DCDC1: variants seen among roughly 807,000 people sequenced by gnomAD.
DCDC1 encodes the protein doublecortin domain-containing protein 1.
DCDC1 carries 200 observed loss-of-function variants against 178.3 expected under a neutral mutation model. The observed-to-expected ratio is 1.12, with a 90% CI of 1.00 to 1.26. The LOEUF (loss-of-function observed/expected upper bound fraction) is 1.26. Among genes scored for constraint, DCDC1 ranks in the 50% most tolerant of loss-of-function variants. DCDC1 has a pLI of 0.00. For missense variants in DCDC1, 1,983 were observed against 1,749.2 expected, an observed-to-expected ratio of 1.13 and a Z score of -2.38; for synonymous variants, 690 against 604.8, an observed-to-expected ratio of 1.14 and a Z score of -2.07.
At chr11:31,283,463 G>A (rs1946595479) in intron 7 of DCDC1, among the ~76,000 whole-genome samples, 1 of 150,474 alleles carries the variant, frequency 6.6e-6, no homozygotes, top group Admixed American at 6.6e-5. Context: ...AGTTCTCTTC[G>A]CATTATATTC....
chr11:30,917,265 C>A, intron 25 of DCDC1, among the ~76,000 whole-genome samples: 1 of 152,088 alleles, frequency 6.6e-6, no homozygotes, highest in East Asian at 1.9e-4. Flanking sequence ...TCATCTTTGT[C>A]ATGTTTACTC....
At chr11:31,253,425 C>T (rs1278494605) in intron 8 of DCDC1, among the ~76,000 whole-genome samples, 8 of 147,464 alleles carry the variant, frequency 5.4e-5, no homozygotes, top group African/African-American at 1.0e-4. Flanking sequence ...GGCACGATCT[C>T]GGCTCACTGC....
At position 31,096,539 on chromosome 11, in the gene DCDC1, T is replaced by C. The variant is rs1487430386; in HGVS notation, c.1984-2355A>G. Among the ~76,000 whole-genome samples, 60 of 152,306 alleles carry C rather than the reference T, an allele frequency of 3.9e-4. 1 individual carries two copies. Among genetic ancestry groups the C allele is most frequent in the Non-Finnish European group, 5.9e-5 (4 of 68,032 alleles). ...GTTTAATCTTTTAACAGTTGGCTTA[T>C]TGGTGAAGAGTGAAGGGGTCCTTTG... is the stretch of plus-strand genomic sequence containing the variant. On this transcript the variant is annotated intron_variant, in intron 15 of 38. Transcript: ENST00000684477.
In DCDC1 at chr11:30,903,632, C is replaced by A; in HGVS notation, c.4360G>T (p.Val1454Leu). 1.2e-6 allele frequency: 2 copies of A among 1,611,120 alleles called. No homozygotes were observed. Among genetic ancestry groups the A allele is most frequent in the Non-Finnish European group, 1.7e-6 (2 of 1,178,630 alleles). ...ATTGGGGTTCCATCTTTGGTATATA[C>A]TTTGGAGGCTGCTCTGGCAAGCCCA... ...QLGLARAASK[V>L]YTKDGTPIFT... Residue 1454 changes from valine to leucine, a missense_variant, in exon 32 of 39, where the codon GTA (valine) becomes TTA (leucine). Transcript: ENST00000684477.
At chr11:31,113,709 G>A (rs1008050176) in intron 11 of DCDC1, among the ~76,000 whole-genome samples, 1 of 151,914 alleles carries the variant, frequency 6.6e-6, no homozygotes, top group Non-Finnish European at 1.5e-5. Context: ...TTTGGGCAGG[G>A]CATAACCCCA....
At chr11:31,002,221 T>G (rs1951616875) in intron 20 of DCDC1, among the ~76,000 whole-genome samples, 2 of 152,188 alleles carry the variant, frequency 1.3e-5, no homozygotes, top group Admixed American at 1.3e-4. Context: ...GGAAATAATG[T>G]TTTTATCCAA....
At chr11:31,215,216 G>C (rs1181771419) in intron 9 of DCDC1, 4 of 240,920 alleles carry the variant, frequency 1.7e-5, no homozygotes, top group African/African-American at 4.6e-5. Flanking sequence ...GATCCCTTGA[G>C]CACAGGAGAT....
Position 31,149,161 on chromosome 11 carries a change from T to C in DCDC1, c.1222-11377A>G, listed in dbSNP as rs74371102. On this transcript the variant is annotated intron_variant, in intron 9 of 38. Coordinates refer to ENST00000684477, the MANE Select transcript of DCDC1 (RefSeq NM_001387274.1). The stretch of plus-strand genomic sequence containing the variant: ...TCATTGGTTGATGGGCACCTGCAAA[T>C]TGTGCTGCTATAAACATGCATATGT... Among the ~76,000 whole-genome samples, 1,521 of 152,352 alleles carry C rather than the reference T, an allele frequency of 1.0e-2. 28 individuals carry two copies. The highest frequency in any genetic ancestry group is 0.034 in the African/African-American group (1,424 of 41,578).
At chr11:31,077,408 T>C (rs597070) in intron 18 of DCDC1, among the ~76,000 whole-genome samples, 74,555 of 151,940 alleles carry the variant, frequency 0.49, 18,575 homozygotes, top group African/African-American at 0.57. Flanking sequence ...TGAGTAATCA[T>C]AACTCTGAAG....
chr11:31,098,662 T>C (rs568645436), intron 15 of DCDC1, among the ~76,000 whole-genome samples: 1 of 152,328 alleles, frequency 6.6e-6, no homozygotes, highest in East Asian at 1.9e-4. Context: ...GCAGCAAGAT[T>C]CTACAATAAA....
chr11:31,208,127 C>T (rs1342202613), intron 9 of DCDC1, among the ~76,000 whole-genome samples: 1 of 152,240 alleles, frequency 6.6e-6, no homozygotes, highest in South Asian at 2.1e-4. Context: ...GTTTTACTTA[C>T]TATCTATATA....
chr11:31,159,444 A>G (rs1966085991), intron 9 of DCDC1, among the ~76,000 whole-genome samples: 1 of 152,182 alleles, frequency 6.6e-6, no homozygotes, highest in Non-Finnish European at 1.5e-5. Context: ...TTATAGAGAA[A>G]TCAGAGCAGG....
intron 20 of DCDC1, among the ~76,000 whole-genome samples, chr11:31,039,409 T>C (rs1371985402): frequency 6.6e-6 from 1 of 152,210 alleles, no homozygotes; most frequent in Non-Finnish European, 1.5e-5. Context: ...AAGTTTCAAC[T>C]GTTTCAGATC....
intron 3 of DCDC1, 25 bp downstream of exon 3, chr11:31,328,092 T>G (rs755356011): frequency 6.3e-7 from 1 of 1,578,130 alleles, no homozygotes; most frequent in African/African-American, 1.3e-5. Context: ...GTATTTAGTT[T>G]AAGCTGCTGA....
intron 3 of DCDC1, among the ~76,000 whole-genome samples, chr11:31,322,782 T>C (rs948236516): frequency 1.3e-5 from 2 of 152,152 alleles, no homozygotes; most frequent in Non-Finnish European, 2.9e-5. Context: ...CTAAAATTGC[T>C]CTCTCTCTGA....
chr11:30,957,151 C>T (rs1948816594), intron 20 of DCDC1, among the ~76,000 whole-genome samples: 1 of 152,174 alleles, frequency 6.6e-6, no homozygotes, highest in South Asian at 2.1e-4. Context: ...CCCTTATCCT[C>T]CCTCATCTAG....
At chr11:31,038,091 G>T in intron 20 of DCDC1, among the ~76,000 whole-genome samples, 1 of 114,208 alleles carries the variant, frequency 8.8e-6, no homozygotes, top group South Asian at 3.5e-4. Context: ...AGGGGGGAGG[G>T]ATAGCATTAG....
At chr11:31,321,769 G>A (rs981290689) in intron 3 of DCDC1, among the ~76,000 whole-genome samples, 1 of 152,114 alleles carries the variant, frequency 6.6e-6, no homozygotes, top group African/African-American at 2.4e-5. Flanking sequence ...TTTAATAAAT[G>A]TTGATCTCAA....
intron 17 of DCDC1, among the ~76,000 whole-genome samples, chr11:31,080,138 A>G (rs1957087506): frequency 6.6e-6 from 1 of 152,154 alleles, no homozygotes; most frequent in Admixed American, 6.6e-5. Context: ...AAAGGAAAAG[A>G]GAAGCTTTTT....
Sources: gnomAD v4.1 joint callset for allele counts (sites outside exome capture counted in the v4.1 genomes callset) on GRCh38, gnomAD v4.1.1 for gene constraint, MANE v1.5 for transcripts, NCBI Gene and HGNC (gene_info 2026-07-23, HGNC 2026-07-21) for gene names.